The following ACTR3B variants were observed in gnomAD, a reference collection of about 807,000 sequenced individuals.
ACTR3B encodes the protein actin related protein 3B.
Under a neutral mutation model 59.0 loss-of-function variants are expected in ACTR3B, and 8 were observed. The observed-to-expected ratio is 0.14, with a 90% CI of 0.08 to 0.24. The LOEUF (loss-of-function observed/expected upper bound fraction) is 0.24, where lower values mean the gene tolerates loss of function less well. Among genes scored for constraint, ACTR3B ranks in the 10% least tolerant of loss-of-function variants. The probability of loss-of-function intolerance (pLI) is 1.00; values close to 1 mark genes in which losing one functional copy is unlikely to be tolerated. For synonymous variants in ACTR3B, 148 were observed against 197.9 expected (o/e 0.75, Z 2.12); for missense variants, 245 against 552.3 (o/e 0.44, Z 5.58).
intron 1 of ACTR3B, among the ~76,000 whole-genome samples, chr7:152,782,330 G>A (rs1338065911): frequency 6.6e-6 from 1 of 151,328 alleles, no homozygotes; most frequent in Non-Finnish European, 1.5e-5. Flanking sequence ...TAATAAGAAA[G>A]GAAGCGCTGA....
At chr7:152,781,236 G>A (rs1297883413) in intron 1 of ACTR3B, among the ~76,000 whole-genome samples, 8 of 109,698 alleles carry the variant, frequency 7.3e-5, no homozygotes, top group African/African-American at 2.8e-4. Flanking sequence ...ATTACACATA[G>A]ACCACTGCTC....
intron 1 of ACTR3B, among the ~76,000 whole-genome samples, chr7:152,772,654 A>G: frequency 6.7e-6 from 1 of 148,390 alleles, no homozygotes; most frequent in Non-Finnish European, 1.5e-5. Flanking sequence ...AATGGCATTC[A>G]TAAACCTCAC....
At chr7:152,789,039 A>AAC (rs1491057478) in intron 2 of ACTR3B, among the ~76,000 whole-genome samples, 6 of 102,288 alleles carry the variant, frequency 5.9e-5, no homozygotes, top group Non-Finnish European at 4.1e-5. Context: ...CAACAACAAC[A>AAC]ACAACAACAA....
At chr7:152,832,667 C>A (rs397843457) in intron 9 of ACTR3B, among the ~76,000 whole-genome samples, 3 of 152,178 alleles carry the variant, frequency 2.0e-5, no homozygotes, top group African/African-American at 4.8e-5. Flanking sequence ...TGGCCACTAT[C>A]TCTATCTCTA....
chr7:152,800,809 A>AT (rs2098233286), intron 3 of ACTR3B, among the ~76,000 whole-genome samples, 154 bp downstream of exon 3: 1 of 151,756 alleles, frequency 6.6e-6, no homozygotes. Context: ...TTGGTTTTGA[A>AT]TGGGGGTATT....
chr7:152,849,983 G>A (rs928436190), intron 9 of ACTR3B, among the ~76,000 whole-genome samples: 1 of 152,138 alleles, frequency 6.6e-6, no homozygotes, highest in African/African-American at 2.4e-5. Context: ...ACTTCTCCAG[G>A]TGGAAGGCCA....
At chr7:152,772,991 T>TTC (rs1169135630) in intron 1 of ACTR3B, among the ~76,000 whole-genome samples, 5 of 152,188 alleles carry the variant, frequency 3.3e-5, no homozygotes, top group East Asian at 1.9e-4. Flanking sequence ...CTGTTTCATT[T>TTC]TTTTGAAATT....
intron 9 of ACTR3B, among the ~76,000 whole-genome samples, chr7:152,825,654 A>T (rs573796959): frequency 1.3e-4 from 20 of 152,256 alleles, no homozygotes; most frequent in African/African-American, 4.6e-4. Context: ...ATATTTTATT[A>T]TTATCTGACA....
At position 152,824,329 on chromosome 7, in the gene ACTR3B, C is replaced by T. The variant is rs769539228; in HGVS notation, c.859-701C>T. Among the ~76,000 whole-genome samples the T allele has an allele frequency of 1.3e-5, 2 of 152,138 alleles. No homozygotes were observed. Among genetic ancestry groups the T allele is most frequent in the African/African-American group, 2.4e-5 (1 of 41,430 alleles). ...TTTTAATATGTTGATTTGAAATGGACATAGAACAGTCAAATGTCCAGTGAA... is the reference window on the plus strand; with the variant it reads ...TTTTAATATGTTGATTTGAAATGGATATAGAACAGTCAAATGTCCAGTGAA... On this transcript the variant is annotated intron_variant, in intron 8 of 11. Coordinates refer to ENST00000256001, the MANE Select transcript of ACTR3B (RefSeq NM_020445.6). This position sits in a 1 kb window ranked among gnomAD's most constrained non-coding sequence, Gnocchi z 4.2.
intron 1 of ACTR3B, among the ~76,000 whole-genome samples, chr7:152,772,733 A>G (rs2689503): frequency 1 from 122,711 of 122,714 alleles, 61,354 homozygotes; most frequent in Middle Eastern, 1. Flanking sequence ...CAGAAATAGA[A>G]AGGTTGAAGT....
At chr7:152,800,923 G>A (rs2098233753) in intron 3 of ACTR3B, among the ~76,000 whole-genome samples, 1 of 152,258 alleles carries the variant, frequency 6.6e-6, no homozygotes, top group African/African-American at 2.4e-5. Context: ...CTGGAAAATT[G>A]TTGACAGGTT....
chr7:152,835,743 C>T (rs1797401276), intron 9 of ACTR3B, among the ~76,000 whole-genome samples: 1 of 152,178 alleles, frequency 6.6e-6, no homozygotes, highest in Admixed American at 6.5e-5. Context: ...TCATTTTGCC[C>T]AGCCTTGCTT....
intron 2 of ACTR3B, among the ~76,000 whole-genome samples, chr7:152,789,250 C>T (rs1247153051): frequency 2.0e-5 from 3 of 148,992 alleles, no homozygotes; most frequent in Admixed American, 6.6e-5. Flanking sequence ...AAATTAGCTA[C>T]GTGTAGTGAC....
intron 9 of ACTR3B, among the ~76,000 whole-genome samples, chr7:152,846,303 C>G (rs1403713268): frequency 2.7e-5 from 4 of 148,698 alleles, no homozygotes; most frequent in African/African-American, 1.0e-4. Context: ...GCTCTAGTGC[C>G]TGGGCTGCAG....
intron 2 of ACTR3B, among the ~76,000 whole-genome samples, chr7:152,797,847 G>A (rs1193736998): frequency 6.6e-6 from 1 of 152,076 alleles, no homozygotes; most frequent in African/African-American, 2.4e-5. Context: ...TCCATGTTGT[G>A]GGCAGATGGC....
intron 6 of ACTR3B, among the ~76,000 whole-genome samples, chr7:152,817,347 C>T (rs1795783787): frequency 6.6e-6 from 1 of 151,954 alleles, no homozygotes; most frequent in Non-Finnish European, 1.5e-5. Flanking sequence ...CACCATTGCA[C>T]CCCAGCTGGG....
At position 152,814,505 on chromosome 7, in the gene ACTR3B, A is replaced by G. The variant is rs376939230; in HGVS notation, c.337-45A>G. ...CTGTTTATGGTTCTGATGTATTTAC[A>G]TGAAATTCGGGTAAACACTAAATAT... On this transcript the variant is annotated intron_variant, in intron 4 of 11. Coordinates refer to ENST00000256001, the MANE Select transcript of ACTR3B (RefSeq NM_020445.6). The G allele has an allele frequency of 4.6e-6, 6 of 1,307,698 alleles. No individual in the cohort carries two copies. The African/African-American group carries it at 9.5e-5, about 21-fold the overall frequency. 81.0% of individuals were successfully genotyped at this position (1,307,698 alleles called of 1,614,324 possible). A position where few individuals can be genotyped will look rare whatever the true frequency, so the allele number is the denominator to read the frequency against.
At chr7:152,796,403 A>T in intron 2 of ACTR3B, among the ~76,000 whole-genome samples, 1 of 150,264 alleles carries the variant, frequency 6.7e-6, no homozygotes. Context: ...CGCCAGTCAC[A>T]AATTTGGTCT....
chr7:152,841,862 A>AT (rs1311096778), intron 9 of ACTR3B, among the ~76,000 whole-genome samples: 1 of 152,110 alleles, frequency 6.6e-6, no homozygotes, highest in African/African-American at 2.4e-5. Flanking sequence ...ATCACTTGGT[A>AT]TTATGTTGCT....
Sources: allele counts gnomAD v4.1 joint callset (sites outside exome capture counted in the v4.1 genomes callset), GRCh38; gene constraint gnomAD v4.1.1; non-coding constraint Gnocchi (gnomAD v3.1); transcripts MANE v1.5; gene names NCBI Gene and HGNC (gene_info 2026-07-23, HGNC 2026-07-21).